Variants in TBL1XR1 observed in about 807,000 individuals in gnomAD.
TBL1XR1 encodes the protein TBL1X/Y related 1.
Under a neutral mutation model 66.9 loss-of-function variants are expected in TBL1XR1, and 5 were observed. The ratio of observed to expected loss-of-function variants is 0.07; its 90% CI spans 0.04 to 0.16. TBL1XR1 has a LOEUF of 0.16. Among genes scored for constraint, TBL1XR1 ranks in the 10% least tolerant of loss-of-function variants. The pLI is 1.00. For synonymous variants in TBL1XR1, 210 were observed against 206.0 expected (o/e 1.02, Z -0.17); for missense variants, 238 against 623.2 (o/e 0.38, Z 6.58).
chr3:177,177,227 G>A lies in TBL1XR1; in HGVS notation c.-122+19894C>T, dbSNP rs148117384. 8.5e-4 allele frequency among the ~76,000 whole-genome samples: 130 copies of A among 152,082 alleles called. 2 individuals carry two copies. Among genetic ancestry groups the A allele is most frequent in the African/African-American group, 3.0e-3 (126 of 41,494 alleles). The stretch of plus-strand genomic sequence containing the variant: ...TGCACTTTGGGAGTCCAAAGCAGGC[G>A]GATCACGAGGTCAGGAGTCCGAGAC... On this transcript the variant is annotated intron_variant, in intron 1 of 15. Transcript: ENST00000457928.
At chr3:177,151,250 G>A (rs1730849488) in intron 1 of TBL1XR1, among the ~76,000 whole-genome samples, 1 of 152,172 alleles carries the variant, frequency 6.6e-6, no homozygotes, top group Admixed American at 6.5e-5. Context: ...TATTTTTCAA[G>A]TATTTATGTT....
intron 2 of TBL1XR1, among the ~76,000 whole-genome samples, chr3:177,074,182 G>A (rs1720400224): frequency 6.6e-6 from 1 of 152,150 alleles, no homozygotes; most frequent in African/African-American, 2.4e-5. Context: ...ACCCATCCCT[G>A]TGTACCTTGA....
chr3:177,180,922 G>A (rs1734743384), intron 1 of TBL1XR1, among the ~76,000 whole-genome samples: 1 of 151,970 alleles, frequency 6.6e-6, no homozygotes, highest in African/African-American at 2.4e-5. Context: ...AGTAAAGACG[G>A]GGGTTTCACC....
intron 3 of TBL1XR1, among the ~76,000 whole-genome samples, chr3:177,062,726 T>A (rs919024543): frequency 1.3e-5 from 2 of 152,168 alleles, no homozygotes; most frequent in African/African-American, 4.8e-5. Context: ...TATGGAGAAC[T>A]TGATATATCA....
chr3:177,181,682 T>C (rs1177415308), intron 1 of TBL1XR1, among the ~76,000 whole-genome samples: 1 of 152,042 alleles, frequency 6.6e-6, no homozygotes, highest in Admixed American at 6.6e-5. Flanking sequence ...ATACACATCC[T>C]TTGACCTCTG....
chr3:177,099,532 G>C (rs1723931641), intron 1 of TBL1XR1: 1 of 152,248 alleles, frequency 6.6e-6, no homozygotes, highest in African/African-American at 2.4e-5. Context: ...GGGAGGTTTA[G>C]CTCCTACACC....
At chr3:177,058,259 C>T (rs1428858590) in intron 3 of TBL1XR1, among the ~76,000 whole-genome samples, 1 of 152,158 alleles carries the variant, frequency 6.6e-6, no homozygotes, top group Non-Finnish European at 1.5e-5. Context: ...CTCATGTTCT[C>T]ATCATCAAAT....
rs1713936062 is a variant in TBL1XR1, at chr3:177,031,138, TAA to T, written c.1416+1831_1416+1832del. ...AAAAAATAAAAATAAAAATGAAAAA[TAA>T]AGTTTAGCTGGGTGTATGATTAGTG... is the stretch of plus-strand genomic sequence containing the variant. On this transcript the variant is annotated intron_variant, in intron 14 of 15. Coordinates refer to ENST00000457928, the MANE Select transcript of TBL1XR1 (RefSeq NM_024665.7). Among the ~76,000 whole-genome samples, 4 of 152,004 alleles carry T rather than the reference TAA, an allele frequency of 2.6e-5. No homozygotes were observed. In the South Asian group the frequency reaches 8.3e-4, roughly 32 times the overall value.
chr3:177,035,824 AT>A (rs1239652977), intron 12 of TBL1XR1, among the ~76,000 whole-genome samples: 1 of 152,156 alleles, frequency 6.6e-6, no homozygotes, highest in African/African-American at 2.4e-5. Context: ...TGTCCGAGCC[AT>A]TTACAGACTC....
chr3:177,120,065 A>G (rs1023912541), intron 1 of TBL1XR1, among the ~76,000 whole-genome samples: 2 of 152,208 alleles, frequency 1.3e-5, no homozygotes, highest in African/African-American at 2.4e-5. Flanking sequence ...CATCATCTCT[A>G]AACAGCAAAC....
intron 3 of TBL1XR1, among the ~76,000 whole-genome samples, chr3:177,064,110 T>G (rs1243821945): frequency 6.6e-6 from 1 of 152,184 alleles, no homozygotes; most frequent in Non-Finnish European, 1.5e-5. Flanking sequence ...ACTACCAAAA[T>G]TATCTTTTTT....
At chr3:177,197,742 TC>T (rs1404956728), upstream of TBL1XR1, among the ~76,000 whole-genome samples, 1 of 145,812 alleles carries the variant, frequency 6.9e-6, no homozygotes, top group African/African-American at 2.5e-5. Flanking sequence ...CTCCTCTCCT[TC>T]CCGGCCCGCT....
At chr3:177,163,857 CAT>C (rs1560248485) in intron 1 of TBL1XR1, 3 of 152,136 alleles carry the variant, frequency 2.0e-5, no homozygotes, top group Non-Finnish European at 2.9e-5. Flanking sequence ...TTTCTATACA[CAT>C]AGATATACAC....
At chr3:177,125,080 T>C (rs1727446272) in intron 1 of TBL1XR1, among the ~76,000 whole-genome samples, 1 of 151,624 alleles carries the variant, frequency 6.6e-6, no homozygotes, top group African/African-American at 2.4e-5. Flanking sequence ...ACTGAGATCA[T>C]AGAAATGTAA....
At chr3:177,077,682 C>T (rs1720860186) in intron 2 of TBL1XR1, among the ~76,000 whole-genome samples, 1 of 152,126 alleles carries the variant, frequency 6.6e-6, no homozygotes, top group Non-Finnish European at 1.5e-5. Flanking sequence ...CTAACATGTC[C>T]CACAAATTTC....
chr3:177,052,578 A>C (rs1464010410), intron 4 of TBL1XR1, among the ~76,000 whole-genome samples: 1 of 152,220 alleles, frequency 6.6e-6, no homozygotes, highest in Non-Finnish European at 1.5e-5. Context: ...AATAAGCGCC[A>C]TGTCAAATTT....
intron 2 of TBL1XR1, among the ~76,000 whole-genome samples, chr3:177,069,352 C>A (rs1719580346): frequency 6.6e-6 from 1 of 152,114 alleles, no homozygotes; most frequent in Admixed American, 6.5e-5. Flanking sequence ...AAGCTCATCT[C>A]ATTAAGAAAT....
chr3:177,029,905 G>GT, intron 14 of TBL1XR1, among the ~76,000 whole-genome samples: 1 of 152,194 alleles, frequency 6.6e-6, no homozygotes, highest in Admixed American at 6.5e-5. Flanking sequence ...AATACAAAAT[G>GT]TTTCATATCC....
chr3:177,043,782 G>C (rs1715942123), intron 10 of TBL1XR1, among the ~76,000 whole-genome samples: 1 of 151,716 alleles, frequency 6.6e-6, no homozygotes, highest in Non-Finnish European at 1.5e-5. Flanking sequence ...ACCTTCATTT[G>C]GATTAATTGG....
Sources: gnomAD v4.1 joint callset for allele counts (sites outside exome capture counted in the v4.1 genomes callset) on GRCh38, gnomAD v4.1.1 for gene constraint, MANE v1.5 for transcripts, NCBI Gene and HGNC (gene_info 2026-07-23, HGNC 2026-07-21) for gene names.